Variants in ACOXL observed in about 807,000 individuals in gnomAD.
ACOXL encodes acyl-CoA oxidase like, also known as acyl-coenzyme A oxidase-like protein.
A neutral mutation model predicts 71.9 loss-of-function variants in ACOXL; 70 were observed. That is an observed-to-expected ratio of 0.97 (90% CI 0.80 to 1.19). The LOEUF (loss-of-function observed/expected upper bound fraction) is 1.19, where lower values mean the gene tolerates loss of function less well. Among genes scored for constraint, ACOXL ranks in the 50% most tolerant of loss-of-function variants. The pLI is 0.00. For synonymous variants in ACOXL, 253 were observed against 281.6 expected, an observed-to-expected ratio of 0.90 and a Z score of 1.02; for missense variants, 703 against 736.3, an observed-to-expected ratio of 0.95 and a Z score of 0.52.
intron 17 of ACOXL, among the ~76,000 whole-genome samples, chr2:111,109,576 T>C (rs2069792883): frequency 1.3e-5 from 2 of 152,100 alleles, no homozygotes; most frequent in Non-Finnish European, 2.9e-5. Flanking sequence ...TCCCATTTTT[T>C]CAGATCTAGA....
chr2:110,809,660 C>T lies in ACOXL; in HGVS notation c.753+4265C>T, dbSNP rs143261523. On this transcript the variant is annotated intron_variant, in intron 9 of 17. Coordinates refer to ENST00000439055, the MANE Select transcript of ACOXL (RefSeq NM_001142807.4). ...CAGCAAGGCATGGGAGAGTCTCTCCCTGCTGTTGATGGGGGTTTGAAATGG... is the reference window on the plus strand; with the variant it reads ...CAGCAAGGCATGGGAGAGTCTCTCCTTGCTGTTGATGGGGGTTTGAAATGG... Among the ~76,000 whole-genome samples, 598 of 152,282 alleles carry T rather than the reference C, an allele frequency of 3.9e-3. 3 individuals are homozygous for T. Among genetic ancestry groups the T allele is most frequent in the Non-Finnish European group, 6.6e-3 (448 of 68,028 alleles).
intron 1 of ACOXL, among the ~76,000 whole-genome samples, chr2:110,738,437 A>C (rs1677134939): frequency 6.6e-6 from 1 of 152,196 alleles, no homozygotes; most frequent in African/African-American, 2.4e-5. Flanking sequence ...TTCATGTCTG[A>C]AAATGTTTAC....
intron 9 of ACOXL, among the ~76,000 whole-genome samples, chr2:110,811,117 A>G (rs1223064909): frequency 6.6e-6 from 1 of 152,216 alleles, no homozygotes; most frequent in African/African-American, 2.4e-5. Flanking sequence ...TTTGGGGGGA[A>G]CACAGCCAAA....
chr2:111,117,879 C>G lies in ACOXL; in HGVS notation c.*63C>G. On this transcript the variant is annotated 3_prime_UTR_variant, in exon 18 of 18. Coordinates refer to ENST00000439055, the MANE Select transcript of ACOXL (RefSeq NM_001142807.4). ...GCCACGACGCTCGCTCCACCGACGCCCAGAGCTGTGGCCGAGGCCGGGGGC... is the reference window on the plus strand; with the variant it reads ...GCCACGACGCTCGCTCCACCGACGCGCAGAGCTGTGGCCGAGGCCGGGGGC... 6.7e-7 allele frequency: 1 copy of G among 1,501,792 alleles called. No individual in the cohort carries two copies. 93.0% of individuals were successfully genotyped at this position (1,501,792 alleles called of 1,614,324 possible).
intron 16 of ACOXL, among the ~76,000 whole-genome samples, chr2:111,088,504 C>T (rs1574724264): frequency 6.6e-6 from 1 of 152,226 alleles, no homozygotes; most frequent in Middle Eastern, 3.4e-3. Context: ...AACTGGAGCC[C>T]ATTATCCTTA....
intron 10 of ACOXL, among the ~76,000 whole-genome samples, chr2:110,864,416 C>G (rs981335434): frequency 2.0e-5 from 3 of 152,152 alleles, no homozygotes; most frequent in Admixed American, 6.5e-5. Flanking sequence ...CACAGAAACC[C>G]GAAGCCATTT....
At chr2:111,032,797 C>T (rs2065336951) in intron 15 of ACOXL, among the ~76,000 whole-genome samples, 1 of 152,212 alleles carries the variant, frequency 6.6e-6, no homozygotes, top group African/African-American at 2.4e-5. Flanking sequence ...ATCCCCCTTC[C>T]TCCCTGACTG....
chr2:111,009,841 A>G (rs867983949), intron 14 of ACOXL, among the ~76,000 whole-genome samples: 26 of 152,200 alleles, frequency 1.7e-4, no homozygotes, highest in East Asian at 9.6e-4. Context: ...GAGTAAAACT[A>G]TGTCTCAGGA....
chr2:110,967,560 C>A lies in ACOXL; in HGVS notation c.1060-19548C>A, dbSNP rs35861471. 3.1e-3 allele frequency among the ~76,000 whole-genome samples: 471 copies of A among 152,268 alleles called. 1 individual carries two copies. The highest frequency in any genetic ancestry group is 4.9e-3 in the Non-Finnish European group (330 of 68,024). ...ACTCAAAGTGGTAAAACATTAATAT[C>A]ACTAGACTGTGATGAGATATATTAC... is the stretch of plus-strand genomic sequence containing the variant. On this transcript the variant is annotated intron_variant, in intron 12 of 17. Transcript: ENST00000439055.
In ACOXL at chr2:110,768,370, A is replaced by G. The variant is rs772724592; in HGVS notation, c.-20A>G. ...TATTTTGTATCTGTTCTTCACAGGT[A>G]TGATTTAAGCTTGGATGAAATGAGA... is the stretch of plus-strand genomic sequence containing the variant. On this transcript the variant is annotated splice_region_variant and 5_prime_UTR_variant, in exon 2 of 18. It removes an upstream start codon present in the reference 5' UTR. Transcript: ENST00000439055. 9.9e-6 allele frequency: 16 copies of G among 1,613,446 alleles called. No homozygotes were observed. Among genetic ancestry groups the G allele is most frequent in the Non-Finnish European group, 1.3e-5 (15 of 1,179,460 alleles).
chr2:110,916,560 C>T (rs1050497121), intron 11 of ACOXL, among the ~76,000 whole-genome samples: 1 of 151,886 alleles, frequency 6.6e-6, no homozygotes, highest in African/African-American at 2.4e-5. Context: ...TAACTAAGAT[C>T]GGAACAGAAC....
At chr2:110,831,710 G>A (rs1290137533) in intron 9 of ACOXL, among the ~76,000 whole-genome samples, 1 of 152,144 alleles carries the variant, frequency 6.6e-6, no homozygotes, top group Non-Finnish European at 1.5e-5. Context: ...AAGACTGTGT[G>A]GTACTGGCAG....
At chr2:110,888,226 A>G (rs1043355739) in intron 10 of ACOXL, among the ~76,000 whole-genome samples, 3 of 152,230 alleles carry the variant, frequency 2.0e-5, no homozygotes, top group African/African-American at 4.8e-5. Context: ...TTACCCCAGT[A>G]TGGAACTGGA....
intron 1 of ACOXL, among the ~76,000 whole-genome samples, chr2:110,753,250 A>C (rs1376601683): frequency 1.3e-5 from 2 of 152,176 alleles, no homozygotes; most frequent in Admixed American, 6.5e-5. Flanking sequence ...CTGAGGCCTC[A>C]TCAGAAGCCG....
intron 11 of ACOXL, among the ~76,000 whole-genome samples, chr2:110,921,388 A>AACCCC (rs2060064392): frequency 3.5e-5 from 2 of 57,554 alleles, no homozygotes; most frequent in African/African-American, 5.9e-5. Flanking sequence ...CTATATATCC[A>AACCCC]CCCCCCCCCC....
chr2:110,767,440 A>C (rs189900132), intron 1 of ACOXL, among the ~76,000 whole-genome samples: 46 of 152,342 alleles, frequency 3.0e-4, no homozygotes, highest in Admixed American at 2.0e-3. Context: ...CCTCAGACAC[A>C]GTACAGTGAT....
intron 12 of ACOXL, among the ~76,000 whole-genome samples, chr2:110,953,047 T>G (rs970127134): frequency 2.6e-5 from 4 of 152,210 alleles, no homozygotes; most frequent in African/African-American, 9.6e-5. Flanking sequence ...ATTTGTTGAA[T>G]TCTTACTATA....
At chr2:110,860,439 C>T (rs555498465) in intron 10 of ACOXL, among the ~76,000 whole-genome samples, 2 of 152,294 alleles carry the variant, frequency 1.3e-5, no homozygotes, top group Admixed American at 6.5e-5. Context: ...ATTTTCTAAT[C>T]CTGTGTAGAG....
intron 10 of ACOXL, among the ~76,000 whole-genome samples, chr2:110,866,839 G>A (rs767759664): frequency 8.5e-5 from 13 of 152,172 alleles, no homozygotes; most frequent in Non-Finnish European, 1.9e-4. Context: ...AGCACAGCCT[G>A]GATGCTAGGG....
Sources: gnomAD v4.1 joint callset for allele counts (sites outside exome capture counted in the v4.1 genomes callset) on GRCh38, gnomAD v4.1.1 for gene constraint, MANE v1.5 for transcripts, NCBI Gene and HGNC (gene_info 2026-07-23, HGNC 2026-07-21) for gene names.